DMD: variants seen among roughly 807,000 people sequenced by gnomAD.
The protein encoded by DMD is dystrophin.
Under a neutral mutation model 330.1 loss-of-function variants are expected in DMD, and 63 were observed. That is an observed-to-expected ratio of 0.19 (90% CI 0.16 to 0.24). The LOEUF is 0.24. Among genes scored for constraint, DMD ranks in the 10% least tolerant of loss-of-function variants. The pLI, the probability that DMD is intolerant of heterozygous loss-of-function variation, is 1.00. For synonymous variants in DMD, 1,223 were observed against 959.8 expected (o/e 1.27, Z -5.07); for missense variants, 3,344 against 2,684.1 (o/e 1.25, Z -5.43).
chrX:32,529,584 T>C (rs1357938495), intron 17 of DMD, among the ~76,000 whole-genome samples: 1 of 108,212 alleles, frequency 9.2e-6, no homozygotes, highest in Non-Finnish European at 1.9e-5. Flanking sequence ...ATTTTCTGGG[T>C]CTACAATACA....
At chrX:31,148,159 T>C (rs2036957924) in intron 74 of DMD, among the ~76,000 whole-genome samples, 1 of 111,971 alleles carries the variant, frequency 8.9e-6, no homozygotes, top group South Asian at 3.8e-4. Flanking sequence ...ACCATGAATG[T>C]ATCAACAAAT....
At chrX:32,994,333 TAA>T (rs58119279) in intron 2 of DMD, among the ~76,000 whole-genome samples, 119 of 93,204 alleles carry the variant, frequency 1.3e-3, no homozygotes, top group South Asian at 3.7e-3. Context: ...GCCCCCAATT[TAA>T]AAAAAAAAAA....
chrX:32,252,830 ATAAAT>A (rs1462544877), intron 43 of DMD, among the ~76,000 whole-genome samples: 8 of 62,233 alleles, frequency 1.3e-4, no homozygotes, highest in African/African-American at 5.0e-4. Flanking sequence ...ATAAATATAT[ATAAAT>A]ATATATAAAT....
At chrX:32,431,479 T>C (rs772132451) in intron 29 of DMD, among the ~76,000 whole-genome samples, 67 of 111,005 alleles carry the variant, frequency 6.0e-4, no homozygotes, top group African/African-American at 2.1e-3. Flanking sequence ...CTTTGAAAAC[T>C]CCCATTGAGA....
chrX:32,566,280 A>G (rs1471639882), intron 15 of DMD, among the ~76,000 whole-genome samples: 1 of 112,144 alleles, frequency 8.9e-6, no homozygotes, highest in South Asian at 3.7e-4. Context: ...AAAACTGACA[A>G]TCAGGTACCA....
intron 7 of DMD, among the ~76,000 whole-genome samples, chrX:32,725,184 T>C (rs1569490732): frequency 9.0e-6 from 1 of 111,288 alleles, no homozygotes; most frequent in African/African-American, 3.3e-5. Flanking sequence ...GTAAAGACTC[T>C]AATATATAAG....
intron 55 of DMD, among the ~76,000 whole-genome samples, chrX:31,566,180 G>C (rs1055114145): frequency 3.6e-5 from 4 of 111,501 alleles, no homozygotes; most frequent in African/African-American, 1.3e-4. Flanking sequence ...TCTAGCCCTA[G>C]AGCCTGAAGA....
chrX:31,283,776 T>C (rs2052808529), intron 62 of DMD, among the ~76,000 whole-genome samples: 1 of 112,008 alleles, frequency 8.9e-6, no homozygotes, highest in African/African-American at 3.2e-5. Flanking sequence ...ACGGCAATGC[T>C]GTAACACCTT....
intron 43 of DMD, among the ~76,000 whole-genome samples, chrX:32,253,707 T>C (rs7887051): frequency 0.25 from 25,721 of 104,518 alleles, 3,052 homozygotes; most frequent in African/African-American, 0.43. Flanking sequence ...CACTGCAACC[T>C]CCGCCTGCTG....
chrX:32,816,978 T>C (rs962640161), intron 5 of DMD, among the ~76,000 whole-genome samples: 21 of 112,184 alleles, frequency 1.9e-4, no homozygotes, highest in Non-Finnish European at 3.8e-4. Flanking sequence ...ATTAGACTTA[T>C]TGTTAACCAA....
At chrX:33,320,588 C>T (rs1272230344) in intron 1 of DMD, among the ~76,000 whole-genome samples, 1 of 112,270 alleles carries the variant, frequency 8.9e-6, no homozygotes, top group African/African-American at 3.2e-5. Flanking sequence ...GAGGCTCTTG[C>T]CTCAATGTGG....
intron 41 of DMD, among the ~76,000 whole-genome samples, chrX:32,314,674 G>A (rs1391103791): frequency 1.8e-5 from 2 of 110,998 alleles, no homozygotes; most frequent in African/African-American, 6.6e-5. Flanking sequence ...GAATCTATAA[G>A]GAACTTAAAC....
chrX:32,213,726 G>A (rs1457588333), intron 44 of DMD, among the ~76,000 whole-genome samples: 1 of 110,836 alleles, frequency 9.0e-6, no homozygotes, highest in Non-Finnish European at 1.9e-5. Context: ...TGCAATCCCA[G>A]CACTTTGGGA....
At chrX:31,892,922 T>G (rs146524647) in intron 47 of DMD, among the ~76,000 whole-genome samples, 2 of 112,065 alleles carry the variant, frequency 1.8e-5, no homozygotes, top group Non-Finnish European at 3.8e-5. Context: ...AAACATATAA[T>G]CCAAATAAAT....
intron 44 of DMD, among the ~76,000 whole-genome samples, chrX:32,067,084 A>G (rs184582636): frequency 2.1e-4 from 23 of 111,845 alleles, no homozygotes; most frequent in African/African-American, 7.4e-4. Context: ...CTCACTTAAA[A>G]CATTAGAAAA....
rs182420976 is a variant in DMD, at chrX:31,499,467, C to A, written c.8391-2523G>T. ...GGTCCCCTAAGAGAGAGCAAAATAA[C>A]TGAGACCTAGGGAATTCAGTTCTTT... On this transcript the variant is annotated intron_variant, in intron 56 of 78. Transcript: ENST00000357033. 8.0e-3 allele frequency among the ~76,000 whole-genome samples: 860 copies of A among 107,247 alleles called. 3 individuals carry two copies. Among genetic ancestry groups the A allele is most frequent in the Middle Eastern group, 0.024 (5 of 207 alleles). The allele number at this position is 107,247 out of a possible 115,157, so 93.1% of individuals were successfully genotyped here. A position where few individuals can be genotyped will look rare whatever the true frequency, so the allele number is the denominator to read the frequency against.
chrX:31,925,171 T>A (rs1410500175), intron 47 of DMD, among the ~76,000 whole-genome samples: 1 of 111,817 alleles, frequency 8.9e-6, no homozygotes, highest in Non-Finnish European at 1.9e-5. Flanking sequence ...ACTCATATAG[T>A]TTTTTTAAAA....
chrX:32,823,275 C>T lies in DMD; in HGVS notation c.357+20G>A. On this transcript the variant is annotated intron_variant, in intron 5 of 78. Transcript: ENST00000357033. ...AAGATTAATGTTACCCAAAAGGAAA[C>T]CATTCATCAGGATTCTTACCTGCCA... 1 of 1,152,655 alleles carries T rather than the reference C, an allele frequency of 8.7e-7. No individual in the cohort carries two copies. The highest frequency in any genetic ancestry group is 1.2e-6 in the Non-Finnish European group (1 of 842,310). 95.0% of individuals were successfully genotyped at this position (1,152,655 alleles called of 1,213,427 possible). A position where few individuals can be genotyped will look rare whatever the true frequency, so the allele number is the denominator to read the frequency against.
At chrX:31,162,498 TG>T (rs1366140445) in intron 74 of DMD, among the ~76,000 whole-genome samples, 1 of 110,211 alleles carries the variant, frequency 9.1e-6, no homozygotes, top group Non-Finnish European at 1.9e-5. Context: ...TTTTGTAGTA[TG>T]AAGCAGTCCT....
Sources: gnomAD v4.1 joint callset for allele counts (sites outside exome capture counted in the v4.1 genomes callset) on GRCh38, gnomAD v4.1.1 for gene constraint, MANE v1.5 for transcripts, NCBI Gene and HGNC (gene_info 2026-07-23, HGNC 2026-07-21) for gene names.